Variants in CAMK2G observed in about 807,000 individuals in gnomAD.
The protein encoded by CAMK2G is calcium/calmodulin dependent protein kinase II gamma.
In CAMK2G, 23 loss-of-function variants were observed where a neutral mutation model predicts 88.7. The ratio of observed to expected loss-of-function variants is 0.26; its 90% CI spans 0.19 to 0.37. The LOEUF is 0.37. Ranked by LOEUF, CAMK2G falls within the 10% of genes least tolerant of loss-of-function variation. The probability of loss-of-function intolerance (pLI) is 1.00; values close to 1 mark genes in which losing one functional copy is unlikely to be tolerated. For synonymous variants in CAMK2G, 263 were observed against 294.8 expected, an observed-to-expected ratio of 0.89 and a Z score of 1.11; for missense variants, 476 against 780.8, an observed-to-expected ratio of 0.61 and a Z score of 4.65.
chr10:73,864,834 C>T (rs554188008), intron 2 of CAMK2G, among the ~76,000 whole-genome samples: 2 of 152,110 alleles, frequency 1.3e-5, no homozygotes, highest in South Asian at 4.2e-4. Context: ...TCAGTAGAGA[C>T]GGGGTTTCAC....
chr10:73,816,253 TC>T (rs1327367938), intron 21 of CAMK2G: 1 of 988,984 alleles, frequency 1.0e-6, no homozygotes, highest in Non-Finnish European at 1.2e-6. Flanking sequence ...ACGTCTGCCT[TC>T]CTCCATAGTC....
In CAMK2G at chr10:73,847,264, G is replaced by A. The variant is rs946654463; in HGVS notation, c.780C>T (p.Arg260=). 2.5e-6 allele frequency: 4 copies of A among 1,614,202 alleles called. No individual in the cohort carries two copies. Among genetic ancestry groups the A allele is most frequent in the East Asian group, 4.5e-5 (2 of 44,892 alleles). ...GCTTGAGAGCCTGGTCAGCCGTGAT[G>A]CGCTTTGCTGGGTTTATGGTCAGCA... ...NQMLTINPAK[R]ITADQALKHP... Residue 260 remains arginine, a synonymous_variant, in exon 10 of 23, where the codon CGC becomes CGT. Coordinates refer to ENST00000423381, the MANE Select transcript of CAMK2G (RefSeq NM_001367534.1).
At chr10:73,818,980 C>T (rs1235234505) in intron 19 of CAMK2G, 2 of 365,148 alleles carry the variant, frequency 5.5e-6, no homozygotes, top group African/African-American at 4.2e-5. Context: ...TCTAACAAGG[C>T]TCTGAGGTGC....
At chr10:73,821,560 T>G in intron 18 of CAMK2G, 122 bp downstream of exon 18, 1 of 732,530 alleles carries the variant, frequency 1.4e-6, no homozygotes, top group South Asian at 1.6e-5. Context: ...TACCAAGCCC[T>G]CTCCTAGGGG....
At chr10:73,841,203 A>G (rs573909379) in intron 12 of CAMK2G, among the ~76,000 whole-genome samples, 1 of 152,308 alleles carries the variant, frequency 6.6e-6, no homozygotes, top group South Asian at 2.1e-4. Context: ...GCCCAGCAGG[A>G]CGGGTATTCA....
chr10:73,824,161 C>T lies in CAMK2G; in HGVS notation c.1156-77G>A, dbSNP rs866503214. 1.4e-5 allele frequency: 15 copies of T among 1,060,632 alleles called. 1 individual carries two copies. The Middle Eastern group carries it at 8.3e-4, about 59-fold the overall frequency. 65.7% of individuals were successfully genotyped at this position (1,060,632 alleles called of 1,614,324 possible). A position where few individuals can be genotyped will look rare whatever the true frequency, so the allele number is the denominator to read the frequency against. On this transcript the variant is annotated intron_variant, in intron 16 of 22. Transcript: ENST00000423381. The stretch of plus-strand genomic sequence containing the variant: ...CTTCCCTGAGGAGCCCCACCTGCAC[C>T]CCAGGACCCCCGCAGACCCTATGAT...
chr10:73,822,070 A>G (rs1282893200), intron 17 of CAMK2G, among the ~76,000 whole-genome samples: 1 of 152,178 alleles, frequency 6.6e-6, no homozygotes, highest in Non-Finnish European at 1.5e-5. Flanking sequence ...TTCACTTCCA[A>G]TGCACAGCTA....
intron 14 of CAMK2G, among the ~76,000 whole-genome samples, chr10:73,830,042 A>C (rs1303404284): frequency 2.6e-5 from 4 of 152,194 alleles, no homozygotes; most frequent in African/African-American, 9.7e-5. Flanking sequence ...CAGGATCTTG[A>C]CTTAAAGCAG....
intron 18 of CAMK2G, among the ~76,000 whole-genome samples, chr10:73,821,088 G>A (rs58780335): frequency 0.016 from 2,448 of 152,200 alleles, 55 homozygotes; most frequent in African/African-American, 0.056. Context: ...GGGATTACAG[G>A]TGTGAGTCAC....
chr10:73,822,312 T>C (rs2089200189), intron 17 of CAMK2G, among the ~76,000 whole-genome samples: 1 of 152,120 alleles, frequency 6.6e-6, no homozygotes, highest in African/African-American at 2.4e-5. Flanking sequence ...GGATTACAGG[T>C]GCCTGCCACC....
intron 4 of CAMK2G, among the ~76,000 whole-genome samples, chr10:73,852,972 G>A (rs1021789930): frequency 3.9e-5 from 6 of 152,240 alleles, no homozygotes; most frequent in Non-Finnish European, 8.8e-5. Context: ...AGAAGTGCGA[G>A]AGGAATGCTG....
At position 73,830,437 on chromosome 10, in the gene CAMK2G, A is replaced by G. The variant is rs118037410; in HGVS notation, c.1054-2316T>C. 6.1e-3 allele frequency among the ~76,000 whole-genome samples: 932 copies of G among 152,360 alleles called. 5 individuals are homozygous for G. The highest frequency in any genetic ancestry group is 0.01 in the Middle Eastern group (3 of 294). The stretch of plus-strand genomic sequence containing the variant: ...CAGGTGCACACCACCATGCCTGGCT[A>G]AATGCCAGATGATTTCTAAAGAATC... On this transcript the variant is annotated intron_variant, in intron 14 of 22. Transcript: ENST00000423381.
intron 10 of CAMK2G, among the ~76,000 whole-genome samples, chr10:73,844,119 A>C (rs1443017880): frequency 6.6e-6 from 1 of 151,188 alleles, no homozygotes; most frequent in African/African-American, 2.4e-5. Flanking sequence ...TTGAAACAGC[A>C]TCTCACTCTG....
chr10:73,874,075 C>G (rs1209723554), intron 1 of CAMK2G, among the ~76,000 whole-genome samples: 1 of 133,582 alleles, frequency 7.5e-6, no homozygotes, highest in Non-Finnish European at 1.6e-5. Flanking sequence ...AGCAACCGGG[C>G]AGCGTTGGGA....
chr10:73,851,812 C>A (rs1009993645), intron 5 of CAMK2G, among the ~76,000 whole-genome samples: 1 of 151,338 alleles, frequency 6.6e-6, no homozygotes, highest in Non-Finnish European at 1.5e-5. Context: ...GTGGCATGAT[C>A]TTGGCTCACT....
intron 14 of CAMK2G, among the ~76,000 whole-genome samples, chr10:73,829,266 T>TTTTATTTA (rs55861420): frequency 0.066 from 9,334 of 140,948 alleles, 370 homozygotes; most frequent in East Asian, 0.17. Context: ...TACATTGGCC[T>TTTTATTTA]TTTATTTATT....
rs555195220 is a variant in CAMK2G, at chr10:73,839,911, G to A, written c.947-310C>T. Among the ~76,000 whole-genome samples, 6 of 152,198 alleles carry A rather than the reference G, an allele frequency of 3.9e-5. No individual in the cohort carries two copies. The highest frequency in any genetic ancestry group is 8.8e-5 in the Non-Finnish European group (6 of 68,028). On this transcript the variant is annotated intron_variant, in intron 12 of 22. Coordinates refer to ENST00000423381, the MANE Select transcript of CAMK2G (RefSeq NM_001367534.1). The surrounding 1 kb of genome is among the most constrained non-coding windows in gnomAD (Gnocchi z 4.2). ...CAGCGAAATGCCTGAGCCGGTGAGAGGCAGGTGCCCCTTCTGAGGTAGCCC... is the reference window on the plus strand; with the variant it reads ...CAGCGAAATGCCTGAGCCGGTGAGAAGCAGGTGCCCCTTCTGAGGTAGCCC...
intron 2 of CAMK2G, among the ~76,000 whole-genome samples, chr10:73,868,771 T>C (rs1406086606): frequency 6.6e-6 from 1 of 152,094 alleles, no homozygotes; most frequent in Non-Finnish European, 1.5e-5. Flanking sequence ...ACAAATGTCA[T>C]GGGGGCTACT....
At chr10:73,823,555 C>G (rs2133510889) in intron 17 of CAMK2G, among the ~76,000 whole-genome samples, 1 of 152,252 alleles carries the variant, frequency 6.6e-6, no homozygotes, top group East Asian at 1.9e-4. Context: ...ATCTGCCTCC[C>G]ATCCCACCCA....
Sources: allele counts gnomAD v4.1 joint callset (sites outside exome capture counted in the v4.1 genomes callset), GRCh38; gene constraint gnomAD v4.1.1; non-coding constraint Gnocchi (gnomAD v3.1); transcripts MANE v1.5; gene names NCBI Gene and HGNC (gene_info 2026-07-23, HGNC 2026-07-21).